MIPOL1: variants seen among roughly 807,000 people sequenced by gnomAD.
MIPOL1 encodes the protein mirror-image polydactyly gene 1 protein.
A neutral mutation model predicts 60.9 loss-of-function variants in MIPOL1; 57 were observed. The observed-to-expected ratio is 0.94, with a 90% CI of 0.76 to 1.17. MIPOL1 has a LOEUF of 1.17. Among genes scored for constraint, MIPOL1 ranks in the 50% most tolerant of loss-of-function variants. The probability of loss-of-function intolerance (pLI) is 0.00; values close to 1 mark genes in which losing one functional copy is unlikely to be tolerated. For missense variants in MIPOL1, 551 were observed against 511.6 expected (o/e 1.08, Z -0.74); for synonymous variants, 179 against 168.8 (o/e 1.06, Z -0.47).
intron 9 of MIPOL1, among the ~76,000 whole-genome samples, chr14:37,336,392 A>T (rs1347805518): frequency 6.7e-6 from 1 of 148,940 alleles, no homozygotes; most frequent in African/African-American, 2.4e-5. Flanking sequence ...TTATTATTAT[A>T]TTATTATTAT....
intron 9 of MIPOL1, among the ~76,000 whole-genome samples, chr14:37,318,634 G>A (rs906912410): frequency 1.3e-4 from 7 of 54,492 alleles, no homozygotes; most frequent in African/African-American, 3.5e-4. Context: ...GTACAGATAA[G>A]CAAAAAGAAG....
intron 11 of MIPOL1, among the ~76,000 whole-genome samples, chr14:37,434,756 A>T (rs751089934): frequency 4.6e-5 from 7 of 150,808 alleles, no homozygotes; most frequent in Non-Finnish European, 1.0e-4. Context: ...TCCTTAGGGG[A>T]TCTCTGTCTT....
intron 12 of MIPOL1, among the ~76,000 whole-genome samples, chr14:37,540,192 C>T (rs537281590): frequency 4.0e-4 from 61 of 152,318 alleles, no homozygotes; most frequent in African/African-American, 1.4e-3. Flanking sequence ...TTACCACTTT[C>T]TAACAGTTCT....
intron 11 of MIPOL1, among the ~76,000 whole-genome samples, chr14:37,479,449 A>G (rs767195773): frequency 9.2e-5 from 14 of 152,290 alleles, no homozygotes; most frequent in Non-Finnish European, 2.1e-4. Flanking sequence ...CAACCAATGC[A>G]TATTGAAGAA....
At chr14:37,533,440 C>G (rs1243917840) in intron 12 of MIPOL1, among the ~76,000 whole-genome samples, 1 of 152,102 alleles carries the variant, frequency 6.6e-6, no homozygotes. Context: ...TAATTTTTAA[C>G]AAAAGACACT....
At position 37,268,641 on chromosome 14, in the gene MIPOL1, C is replaced by G. The variant is rs1262388633; in HGVS notation, c.252-17C>G. 3 of 1,553,058 alleles carry G rather than the reference C, an allele frequency of 1.9e-6. No homozygotes were observed. Among genetic ancestry groups the G allele is most frequent in the Non-Finnish European group, 2.6e-6 (3 of 1,151,422 alleles). On this transcript the variant is annotated splice_polypyrimidine_tract_variant and intron_variant, in intron 4 of 12. Transcript: ENST00000684589. Reference sequence around the variant, plus strand: ...GTTTATCTTACTCTGAAATGTTAATCAGTTTCTTTATTACAGCGTTATGGA... The same window carrying G: ...GTTTATCTTACTCTGAAATGTTAATGAGTTTCTTTATTACAGCGTTATGGA...
At chr14:37,231,800 C>A (rs1970675190) in intron 1 of MIPOL1, among the ~76,000 whole-genome samples, 1 of 152,100 alleles carries the variant, frequency 6.6e-6, no homozygotes, top group African/African-American at 2.4e-5. Flanking sequence ...GCCCTACAGG[C>A]CGGGAGTAGT....
chr14:37,493,679 A>G (rs779110982), intron 11 of MIPOL1, among the ~76,000 whole-genome samples: 79 of 152,356 alleles, frequency 5.2e-4, no homozygotes, highest in Non-Finnish European at 8.7e-4. Flanking sequence ...ACTTAAATTT[A>G]TAAAGAATTA....
chr14:37,537,648 G>A (rs2095512168), intron 12 of MIPOL1, among the ~76,000 whole-genome samples: 1 of 151,980 alleles, frequency 6.6e-6, no homozygotes, highest in African/African-American at 2.4e-5. Flanking sequence ...TTTTAATAAG[G>A]CAAAATGCAT....
At chr14:37,383,857 CT>C in intron 10 of MIPOL1, among the ~76,000 whole-genome samples, 1 of 151,688 alleles carries the variant, frequency 6.6e-6, no homozygotes, top group Non-Finnish European at 1.5e-5. Context: ...AATGACATTC[CT>C]TTACTGGCTT....
chr14:37,310,574 G>T (rs573812506), intron 9 of MIPOL1, among the ~76,000 whole-genome samples: 1 of 152,044 alleles, frequency 6.6e-6, no homozygotes, highest in Non-Finnish European at 1.5e-5. Context: ...ATCTTTTCTG[G>T]CCTTCACAAG....
At chr14:37,215,037 A>G (rs562159940) in intron 1 of MIPOL1, among the ~76,000 whole-genome samples, 62 of 152,184 alleles carry the variant, frequency 4.1e-4, no homozygotes, top group African/African-American at 1.4e-3. Flanking sequence ...TTCATGTTCC[A>G]TCCTGTACAC....
intron 10 of MIPOL1, among the ~76,000 whole-genome samples, chr14:37,422,371 A>AT (rs1183705135): frequency 6.6e-6 from 1 of 151,870 alleles, no homozygotes; most frequent in Non-Finnish European, 1.5e-5. Flanking sequence ...AGCCTGCTGT[A>AT]TTTTTTTCAC....
chr14:37,317,584 T>G (rs1413083072), intron 9 of MIPOL1, among the ~76,000 whole-genome samples: 1 of 151,878 alleles, frequency 6.6e-6, no homozygotes, highest in Non-Finnish European at 1.5e-5. Flanking sequence ...GGAAGAGGAG[T>G]GATGAGGCAC....
chr14:37,259,371 C>T (rs2082354339), intron 3 of MIPOL1, among the ~76,000 whole-genome samples: 2 of 151,886 alleles, frequency 1.3e-5, no homozygotes, highest in Admixed American at 6.6e-5. Context: ...CGAGACCAGC[C>T]TGGGCAACAT....
At chr14:37,265,673 A>AATTTTTAT (rs1394610297) in intron 3 of MIPOL1, among the ~76,000 whole-genome samples, 1 of 152,140 alleles carries the variant, frequency 6.6e-6, no homozygotes, top group Non-Finnish European at 1.5e-5. Context: ...CAGGCAGGAA[A>AATTTTTAT]ATTTTTATAA....
At chr14:37,543,119 C>T (rs1455708147) in intron 12 of MIPOL1, among the ~76,000 whole-genome samples, 1 of 152,178 alleles carries the variant, frequency 6.6e-6, no homozygotes, top group Non-Finnish European at 1.5e-5. Flanking sequence ...TTGCCCAATC[C>T]ACCTCACCTC....
At chr14:37,528,179 C>G (rs1354752359) in intron 12 of MIPOL1, among the ~76,000 whole-genome samples, 1 of 151,926 alleles carries the variant, frequency 6.6e-6, no homozygotes, top group Non-Finnish European at 1.5e-5. Context: ...AGCTAGGCAA[C>G]TTGACATTTT....
intron 12 of MIPOL1, among the ~76,000 whole-genome samples, chr14:37,528,478 G>C (rs551675828): frequency 6.6e-5 from 10 of 152,138 alleles, no homozygotes; most frequent in African/African-American, 2.4e-4. Context: ...AGTTAGAAAA[G>C]CAATTAGGCT....
Sources: allele counts gnomAD v4.1 joint callset (sites outside exome capture counted in the v4.1 genomes callset), GRCh38; gene constraint gnomAD v4.1.1; transcripts MANE v1.5; gene names NCBI Gene and HGNC (gene_info 2026-07-23, HGNC 2026-07-21).